ABCB6: variants seen among roughly 807,000 people sequenced by gnomAD.
ABCB6 encodes the protein ATP-binding cassette sub-family B member 6.
In ABCB6, 87 loss-of-function variants were observed where a neutral mutation model predicts 99.4. The ratio of observed to expected loss-of-function variants is 0.88; its 90% confidence interval spans 0.74 to 1.05. The LOEUF is 1.05. ABCB6 is among the 50% of genes least tolerant of loss of function. ABCB6 has a pLI of 0.00. For synonymous variants in ABCB6, 482 were observed against 447.5 expected (o/e 1.08, Z -0.97); for missense variants, 1,050 against 1,097.9 (o/e 0.96, Z 0.62).
chr2:219,210,669 C>T lies in ABCB6; in HGVS notation c.2256+42G>A. On this transcript the variant is annotated intron_variant, in intron 16 of 18. Coordinates refer to ENST00000265316, the MANE Select transcript of ABCB6 (RefSeq NM_005689.4). Reference sequence around the variant, plus strand: ...CAGTGCCCAGGAGGAACGGCTTGAGCATACACAAGGCAGGAAGGAGGGGAG... The same window carrying T: ...CAGTGCCCAGGAGGAACGGCTTGAGTATACACAAGGCAGGAAGGAGGGGAG... 3 of 1,612,048 alleles carry T rather than the reference C, an allele frequency of 1.9e-6. No homozygotes were observed. The South Asian group carries it at 3.3e-5, about 18-fold the overall frequency.
At chr2:219,215,434 T>C (rs1227789117) in intron 5 of ABCB6, 5 of 220,282 alleles carry the variant, frequency 2.3e-5, no homozygotes, top group African/African-American at 7.0e-5. Flanking sequence ...ATAATATGTA[T>C]GTAAAAATGC....
At position 219,210,249 on chromosome 2, in the gene ABCB6, A is replaced by G. The variant is rs1365032416; in HGVS notation, c.2401T>C (p.Cys801Arg). The G allele has an allele frequency of 6.2e-7, 1 of 1,614,162 alleles. No homozygotes were observed. Among genetic ancestry groups the G allele is most frequent in the Non-Finnish European group, 8.5e-7 (1 of 1,180,034 alleles). The change falls in exon 18 of 19, where the codon TGC becomes CGC. Residue 801 changes from cysteine to arginine, a missense_variant. Physicochemically the swap from Cys to Arg is radical, Grantham distance 180. Coordinates refer to ENST00000265316, the MANE Select transcript of ABCB6 (RefSeq NM_005689.4). Reference sequence around the variant, plus strand: ...TCTTACCGTCCCCTCTCCACGATGCAGCCATCCTTGATGACGAGGATCTGG... The same window carrying G: ...TCTTACCGTCCCCTCTCCACGATGCGGCCATCCTTGATGACGAGGATCTGG... ...ADQILVIKDG[C>R]IVERGRHEAL...
intron 17 of ABCB6, 32 bp from the exon 18 acceptor site, chr2:219,210,330 C>A: frequency 6.2e-7 from 1 of 1,614,210 alleles, no homozygotes; most frequent in South Asian, 1.1e-5. Flanking sequence ...GCCTACTACC[C>A]CACCCAAAGC....
chr2:219,217,743 C>T lies in ABCB6; in HGVS notation c.614G>A (p.Trp205Ter). 6.2e-7 allele frequency: 1 copy of T among 1,614,038 alleles called. No homozygotes were observed. Among genetic ancestry groups the T allele is most frequent in the Non-Finnish European group, 8.5e-7 (1 of 1,179,976 alleles). Residue 205 changes from tryptophan (W) to a stop codon, truncating the protein, a stop_gained, in exon 2 of 19, where the codon TGG becomes TAG. Transcript: ENST00000265316. LOFTEE classifies it high-confidence loss of function. ...VSGGLFVLGL[W>*]APGLRPQSYT... ...GGACTGGGGACGAAGTCCAGGGGCCCAGAGACCCAGGACAAACAGCCCTCC... is the reference window on the plus strand; with the variant it reads ...GGACTGGGGACGAAGTCCAGGGGCCTAGAGACCCAGGACAAACAGCCCTCC...
chr2:219,210,298 C>T lies in ABCB6; in HGVS notation c.2352G>A (p.Arg784=), dbSNP rs760121226. 3.7e-6 allele frequency: 6 copies of T among 1,614,232 alleles called. No homozygotes were observed. The highest frequency in any genetic ancestry group is 1.6e-4 in the Middle Eastern group (1 of 6,062). The change falls in exon 18 of 19, where the codon AGG becomes AGA. Residue 784 remains arginine (R), a splice_region_variant and synonymous_variant. Coordinates refer to ENST00000265316, the MANE Select transcript of ABCB6 (RefSeq NM_005689.4). ...ANRTTIVVAH[R]LSTVVNADQI... is the part of the protein sequence containing the mutation. Reference sequence around the variant, plus strand: ...GGTCAGCATTGACCACAGTTGAGAGCCTGAGAAGTCAAAGATCAGTCGCCT... The same window carrying T: ...GGTCAGCATTGACCACAGTTGAGAGTCTGAGAAGTCAAAGATCAGTCGCCT...
intron 18 of ABCB6, 52 bp downstream of exon 18, chr2:219,210,178 C>G: frequency 2.5e-6 from 4 of 1,611,700 alleles, no homozygotes; most frequent in African/African-American, 1.3e-5. Context: ...TGCCCCCTTT[C>G]CTGGAGCCCC....
In ABCB6 at chr2:219,216,170, G is replaced by T; in HGVS notation, c.981C>A (p.Ser327Arg). 1.3e-6 allele frequency: 2 copies of T among 1,592,092 alleles called. No individual in the cohort carries two copies. Among genetic ancestry groups the T allele is most frequent in the East Asian group, 2.3e-5 (1 of 44,256 alleles). Residue 327 changes from serine (S) to arginine (R), a missense_variant, in exon 5 of 19, where the codon AGC becomes AGA. Coordinates refer to ENST00000265316, the MANE Select transcript of ABCB6 (RefSeq NM_005689.4). The surrounding 1 kb of genome is among the most constrained non-coding windows in gnomAD (Gnocchi z 4.2). ...GGATCCACAGGAAGGTGCGCAGGTT[G>T]CTCACGAAGCCTGCAGGGAGCCGGG... ...GGGTGSTGFV[S>R]NLRTFLWIRV...
rs769199890 is a variant in ABCB6, at chr2:219,216,858, G to C, written c.688-26C>G. On this transcript the variant is annotated intron_variant, in intron 2 of 18. Coordinates refer to ENST00000265316, the MANE Select transcript of ABCB6 (RefSeq NM_005689.4). The surrounding 1 kb of genome is among the most constrained non-coding windows in gnomAD (Gnocchi z 4.2). ...CTAGGATGGTGAAACACGTAGGAAG[G>C]GAGCTCAGAAATCAAGTAAGTGCAC... 1.9e-6 allele frequency: 3 copies of C among 1,591,438 alleles called. No homozygotes were observed. In the African/African-American group the frequency reaches 4.0e-5, roughly 21 times the overall value.
In ABCB6 at chr2:219,216,745, G is replaced by A. The variant is rs1380818607; in HGVS notation, c.775C>T (p.Pro259Ser). 1 of 1,609,578 alleles carries A rather than the reference G, an allele frequency of 6.2e-7. No homozygotes were observed. The highest frequency in any genetic ancestry group is 1.3e-5 in the African/African-American group (1 of 74,754). ...ATGAGCACCACCAGCTGCAGAGCTG[G>A]ACTCCCTCGAGGCCACAGGTAGCCA... ...LSGYLWPRGS[P>S]ALQLVVLICL... is the part of the protein sequence containing the mutation. The change falls in exon 3 of 19, where the codon CCA becomes TCA. Residue 259 changes from proline to serine, a missense_variant. Coordinates refer to ENST00000265316, the MANE Select transcript of ABCB6 (RefSeq NM_005689.4). This position sits in a 1 kb window ranked among gnomAD's most constrained non-coding sequence, Gnocchi z 4.2.
rs1408426754 is a variant in ABCB6, at chr2:219,217,694, C to T, written c.663G>A (p.Glu221=). 2 of 1,610,460 alleles carry T rather than the reference C, an allele frequency of 1.2e-6. No individual in the cohort carries two copies. Among genetic ancestry groups the T allele is most frequent in the South Asian group, 2.2e-5 (2 of 90,512 alleles). ...CCTGGCTCCTTTCCACATCTTGGTC[C>T]TCTTCATGAACCTGCAATGTATAGG... The part of the protein sequence containing the change: ...PQSYTLQVHE[E]DQDVERSQVR... The change falls in exon 2 of 19, where the codon GAG becomes GAA. Residue 221 remains glutamate, a synonymous_variant. Coordinates refer to ENST00000265316, the MANE Select transcript of ABCB6 (RefSeq NM_005689.4).
rs1220389122 is a variant in ABCB6 at position 219,213,066 on chromosome 2, C to T, written c.1806-1G>A. 6.2e-7 allele frequency: 1 copy of T among 1,613,788 alleles called. No homozygotes were observed. Among genetic ancestry groups the T allele is most frequent in the African/African-American group, 1.3e-5 (1 of 74,942 alleles). The stretch of plus-strand genomic sequence containing the variant: ...AGACACGTCCTGCAGAGTCTCCCGC[C>T]TGCAAGGAAAGGTGGGGTTGCTCAG... On this transcript the variant is annotated splice_acceptor_variant, in intron 12 of 18. Coordinates refer to ENST00000265316, the MANE Select transcript of ABCB6 (RefSeq NM_005689.4). LOFTEE classifies it high-confidence loss of function.
In ABCB6 at chr2:219,212,483, T is replaced by C. The variant is rs751268708; in HGVS notation, c.1872A>G (p.Pro624=). The C allele has an allele frequency of 3.1e-6, 5 of 1,613,614 alleles. No individual in the cohort carries two copies. The highest frequency in any genetic ancestry group is 2.2e-5 in the South Asian group (2 of 91,066). ...AAATTGTGCTCTTCCCTGCCCCAGA[T>C]GGGCCCACCTGTTGCATTGGAAATG... is the stretch of plus-strand genomic sequence containing the variant. ...MPGQTLALVG[P]SGAGKSTILR... is the part of the protein sequence containing the mutation. Residue 624 remains proline, a synonymous_variant, in exon 14 of 19, where the codon CCA becomes CCG. Transcript: ENST00000265316.
chr2:219,218,378 C>G lies in ABCB6; in HGVS notation c.296G>C (p.Arg99Pro), dbSNP rs1435916959. The G allele has an allele frequency of 6.2e-7, 1 of 1,612,620 alleles. No individual in the cohort carries two copies. The highest frequency in any genetic ancestry group is 8.5e-7 in the Non-Finnish European group (1 of 1,179,770). The change falls in exon 1 of 19, where the codon CGG becomes CCG. Residue 99 changes from arginine (R) to proline (P), a missense_variant. Coordinates refer to ENST00000265316, the MANE Select transcript of ABCB6 (RefSeq NM_005689.4). ...AGLAGRVGTA[R>P]GAPLPSYLLL... ...TAGATAGCTTGGCAGTGGGGCCCCC[C>G]GGGCAGTGCCCACCCGGCCAGCCAG... is the stretch of plus-strand genomic sequence containing the variant.
At position 219,218,520 on chromosome 2, in the gene ABCB6, G is replaced by A; in HGVS notation, c.154C>T (p.Arg52Cys). Reference sequence around the variant, plus strand: ...TCAGCACCAGCGGGCCGCTCCCGGCGTCTGCAGGGAAGAGCCAGCACCAAG... The same window carrying A: ...TCAGCACCAGCGGGCCGCTCCCGGCATCTGCAGGGAAGAGCCAGCACCAAG... The part of the protein sequence containing the change: ...LALVLALPCR[R>C]RERPAGADSL... The change falls in exon 1 of 19, where the codon CGC becomes TGC. Residue 52 changes from arginine to cysteine, a missense_variant. Transcript: ENST00000265316. 1 of 1,610,412 alleles carries A rather than the reference G, an allele frequency of 6.2e-7. No individual in the cohort carries two copies. The highest frequency in any genetic ancestry group is 8.5e-7 in the Non-Finnish European group (1 of 1,178,920).
chr2:219,210,764 C>T lies in ABCB6; in HGVS notation c.2203G>A (p.Val735Ile), dbSNP rs200561796. 2.1e-5 allele frequency: 34 copies of T among 1,613,760 alleles called. No homozygotes were observed. The East Asian group carries it at 3.6e-4, about 17-fold the overall frequency. ...LKLSGGEKQR[V>I]AIARTILKAP... ...TTGAGGATGGTGCGGGCAATGGCGA[C>T]GCGCTGCTTCTCCCCGCCGCTCAGC... Residue 735 changes from valine to isoleucine, a missense_variant, in exon 16 of 19, where the codon GTC becomes ATC. Transcript: ENST00000265316.
chr2:219,215,648 G>C, intron 5 of ABCB6: 1 of 182,828 alleles, frequency 5.5e-6, no homozygotes, highest in Non-Finnish European at 1.1e-5. Context: ...GGCTGAGGCA[G>C]GAGAATTGCT....
At position 219,210,399 on chromosome 2, in the gene ABCB6, G is replaced by A. The variant is rs143621292; in HGVS notation, c.2333C>T (p.Thr778Ile). 4.2e-5 allele frequency: 67 copies of A among 1,614,070 alleles called. No homozygotes were observed. The African/African-American group carries it at 6.0e-4, about 14-fold the overall frequency. ...CCTGTACCTGTGTGCCACTACGATG[G>A]TGGTGCGGTTGGCACAGACTTTGGC... is the stretch of plus-strand genomic sequence containing the variant. ...SLAKVCANRT[T>I]IVVAHRLSTV... Residue 778 changes from threonine to isoleucine, a missense_variant, in exon 17 of 19, where the codon ACC (threonine) becomes ATC (isoleucine). Transcript: ENST00000265316.
rs1287477756 is a variant in ABCB6, at chr2:219,216,795, A to G, written c.725T>C (p.Phe242Ser). 1 of 1,612,934 alleles carries G rather than the reference A, an allele frequency of 6.2e-7. No homozygotes were observed. Among genetic ancestry groups the G allele is most frequent in the African/African-American group, 1.3e-5 (1 of 74,878 alleles). ...SAAQQSTWRD[F>S]GRKLRLLSGY... ...ACTCAGGAGGCGGAGCTTCCTGCCAAAATCTCGCCAGGTAGACTGTTGGGC... is the reference window on the plus strand; with the variant it reads ...ACTCAGGAGGCGGAGCTTCCTGCCAGAATCTCGCCAGGTAGACTGTTGGGC... Residue 242 changes from phenylalanine to serine, a missense_variant, in exon 3 of 19, where the codon TTT (phenylalanine) becomes TCT (serine). Transcript: ENST00000265316. The surrounding 1 kb of genome is among the most constrained non-coding windows in gnomAD (Gnocchi z 4.2).
At position 219,216,175 on chromosome 2, in the gene ABCB6, C is replaced by G. The variant is rs1338041879; in HGVS notation, c.976G>C (p.Val326Leu). ...CACAGGAAGGTGCGCAGGTTGCTCACGAAGCCTGCAGGGAGCCGGGGGACG... is the reference window on the plus strand; with the variant it reads ...CACAGGAAGGTGCGCAGGTTGCTCAGGAAGCCTGCAGGGAGCCGGGGGACG... ...QGGGTGSTGF[V>L]SNLRTFLWIR... Residue 326 changes from valine to leucine, a missense_variant, in exon 5 of 19, where the codon GTG (valine) becomes CTG (leucine). Physicochemically the swap from Val to Leu is conservative, Grantham distance 32. Transcript: ENST00000265316. The surrounding 1 kb of genome is among the most constrained non-coding windows in gnomAD (Gnocchi z 4.2). 1 of 1,589,728 alleles carries G rather than the reference C, an allele frequency of 6.3e-7. No individual in the cohort carries two copies. The highest frequency in any genetic ancestry group is 8.6e-7 in the Non-Finnish European group (1 of 1,165,524).
Sources: allele counts gnomAD v4.1 joint callset, GRCh38; gene constraint gnomAD v4.1.1; non-coding constraint Gnocchi (gnomAD v3.1); transcripts MANE v1.5; gene names NCBI Gene and HGNC (gene_info 2026-07-23, HGNC 2026-07-21).